ATP6V1C1: variants seen among roughly 807,000 people sequenced by gnomAD.
The protein encoded by ATP6V1C1 is ATPase H+ transporting V1 subunit C1.
In ATP6V1C1, 45 loss-of-function variants were observed where a neutral mutation model predicts 53.9. The ratio of observed to expected loss-of-function variants is 0.83; its 90% CI spans 0.66 to 1.07. The LOEUF (loss-of-function observed/expected upper bound fraction) is 1.07, where lower values mean the gene tolerates loss of function less well. Among genes scored for constraint, ATP6V1C1 ranks in the 50% least tolerant of loss-of-function variants. The pLI, the probability that ATP6V1C1 is intolerant of heterozygous loss-of-function variation, is 0.00. For synonymous variants in ATP6V1C1, 153 were observed against 155.2 expected (o/e 0.99, Z 0.11); for missense variants, 315 against 440.3 (o/e 0.72, Z 2.55).
At position 103,042,415 on chromosome 8, in the gene ATP6V1C1, A is replaced by G. The variant is rs994856084; in HGVS notation, c.200+8A>G. 8 of 1,613,434 alleles carry G rather than the reference A, an allele frequency of 5.0e-6. No individual in the cohort carries two copies. The African/African-American group carries it at 6.7e-5, about 13-fold the overall frequency. On this transcript the variant is annotated splice_region_variant and intron_variant, in intron 3 of 12. Transcript: ENST00000518738. ...GGATGCATTTGTAGAAGGGTAATGT[A>G]CTTATATGCATGGAGTAGAGCAAAA... is the stretch of plus-strand genomic sequence containing the variant.
intron 3 of ATP6V1C1, among the ~76,000 whole-genome samples, chr8:103,048,032 C>T (rs1512350): frequency 0.038 from 5,747 of 152,262 alleles, 119 homozygotes; most frequent in East Asian, 0.046. Context: ...GATTTTGAAT[C>T]CCACCCAGGG....
At chr8:103,029,040 T>C (rs1162875910) in intron 1 of ATP6V1C1, among the ~76,000 whole-genome samples, 5 of 152,144 alleles carry the variant, frequency 3.3e-5, no homozygotes, top group East Asian at 1.9e-4. Context: ...GAAAAAAATA[T>C]ACAGAAAGGA....
intron 1 of ATP6V1C1, among the ~76,000 whole-genome samples, chr8:103,034,205 A>G (rs1359268200): frequency 1.3e-5 from 2 of 152,288 alleles, no homozygotes; most frequent in East Asian, 1.9e-4. Flanking sequence ...GAAGAAGGAC[A>G]TAGACCTGGA....
chr8:103,062,161 GTTTTTTTTTTTT>G lies in ATP6V1C1; in HGVS notation c.642-776_642-765del, dbSNP rs767825523. 1.8e-4 allele frequency among the ~76,000 whole-genome samples: 13 copies of G among 70,786 alleles called. No homozygotes were observed. In the South Asian group the frequency reaches 3.5e-3, roughly 19 times the overall value. The allele number at this position is 70,786 out of a possible 152,430, so 46.4% of individuals were successfully genotyped here. On this transcript the variant is annotated intron_variant, in intron 8 of 12. Transcript: ENST00000518738. ...TATTTAGACAGTTGTGTTCATCAGGGTTTTTTTTTTTTTTTTTTTTTTTTTTTTTGACAGGGA... is the reference window on the plus strand; with the variant it reads ...TATTTAGACAGTTGTGTTCATCAGGGTTTTTTTTTTTTTTTTTGACAGGGA...
intron 1 of ATP6V1C1, among the ~76,000 whole-genome samples, chr8:103,025,132 A>G (rs1816673542): frequency 6.6e-6 from 1 of 152,160 alleles, no homozygotes; most frequent in East Asian, 1.9e-4. Flanking sequence ...GGATCGATGG[A>G]TCTTCTAAGA....
chr8:103,060,630 A>G (rs1180229004), intron 8 of ATP6V1C1, among the ~76,000 whole-genome samples: 2 of 152,244 alleles, frequency 1.3e-5, no homozygotes, highest in East Asian at 1.9e-4. Flanking sequence ...AATGACTACA[A>G]GTCTGTTATA....
intron 8 of ATP6V1C1, among the ~76,000 whole-genome samples, chr8:103,058,852 A>G (rs1233730087): frequency 6.6e-6 from 1 of 152,244 alleles, no homozygotes; most frequent in African/African-American, 2.4e-5. Context: ...AAATGCAGCA[A>G]TGTGTATAAA....
chr8:103,041,255 CTT>C (rs1273220828), intron 2 of ATP6V1C1, among the ~76,000 whole-genome samples: 1 of 152,168 alleles, frequency 6.6e-6, no homozygotes, highest in Non-Finnish European at 1.5e-5. Flanking sequence ...AATTAAAACT[CTT>C]AGTAATATAT....
At chr8:103,021,708 A>G (rs1318373835) in intron 1 of ATP6V1C1, among the ~76,000 whole-genome samples, 1 of 152,026 alleles carries the variant, frequency 6.6e-6, no homozygotes, top group African/African-American at 2.4e-5. Context: ...CAGGCAAGGA[A>G]CCCTCACAGA....
intron 1 of ATP6V1C1, among the ~76,000 whole-genome samples, chr8:103,035,819 C>T (rs184910622): frequency 3.6e-4 from 55 of 152,258 alleles, no homozygotes; most frequent in African/African-American, 1.3e-3. Flanking sequence ...GCAGGTCCAT[C>T]GAATCTCTAG....
At chr8:103,050,105 T>C (rs1249320393) in intron 4 of ATP6V1C1, among the ~76,000 whole-genome samples, 1 of 152,256 alleles carries the variant, frequency 6.6e-6, no homozygotes, top group Non-Finnish European at 1.5e-5. Context: ...TCAATAAATT[T>C]TTAATCAGTT....
intron 1 of ATP6V1C1, among the ~76,000 whole-genome samples, chr8:103,037,164 A>G (rs1023679869): frequency 6.6e-6 from 1 of 152,170 alleles, no homozygotes; most frequent in Non-Finnish European, 1.5e-5. Context: ...CAGGATGACA[A>G]GAAGACAGGA....
At chr8:103,056,021 C>T in intron 8 of ATP6V1C1, 85 bp downstream of exon 8, 1 of 1,343,816 alleles carries the variant, frequency 7.4e-7, no homozygotes, top group African/African-American at 1.5e-5. Flanking sequence ...TGTTTGCTGT[C>T]TTGCCTTTGT....
At chr8:103,029,711 A>G (rs2131381955) in intron 1 of ATP6V1C1, among the ~76,000 whole-genome samples, 1 of 152,060 alleles carries the variant, frequency 6.6e-6, no homozygotes, top group East Asian at 1.9e-4. Context: ...TTACAGCTGT[A>G]TTCATGCTTT....
chr8:103,025,603 A>G (rs1390619009), intron 1 of ATP6V1C1, among the ~76,000 whole-genome samples: 1 of 152,252 alleles, frequency 6.6e-6, no homozygotes, highest in African/African-American at 2.4e-5. Context: ...TGTCTTTTGT[A>G]AAACTGCATG....
intron 1 of ATP6V1C1, among the ~76,000 whole-genome samples, chr8:103,021,811 A>G (rs906221740): frequency 2.0e-5 from 3 of 152,220 alleles, no homozygotes; most frequent in Non-Finnish European, 4.4e-5. Context: ...CAAACAAAAC[A>G]GAACAAAACA....
intron 3 of ATP6V1C1, among the ~76,000 whole-genome samples, chr8:103,044,383 A>G (rs1315828816): frequency 6.6e-6 from 1 of 152,108 alleles, no homozygotes; most frequent in Non-Finnish European, 1.5e-5. Context: ...GAGGTCTTTG[A>G]TTCATTTTGA....
Position 103,045,650 on chromosome 8 carries a change from GA to G in ATP6V1C1, c.201-3213del, listed in dbSNP as rs560747077. 1.7e-3 allele frequency among the ~76,000 whole-genome samples: 264 copies of G among 152,076 alleles called. 2 individuals are homozygous for G. The highest frequency in any genetic ancestry group is 0.012 in the South Asian group (60 of 4,820). On this transcript the variant is annotated intron_variant, in intron 3 of 12. Transcript: ENST00000518738. ...TCCTTGCTTATACATTTTTAATTAA[GA>G]AAAAAATGGGCCGGGCATGGTGGCT...
At chr8:103,043,873 C>A (rs1364756937) in intron 3 of ATP6V1C1, among the ~76,000 whole-genome samples, 2 of 151,958 alleles carry the variant, frequency 1.3e-5, no homozygotes, top group Non-Finnish European at 2.9e-5. Flanking sequence ...TTCTCCTGTT[C>A]TGTGAGTTGT....
Sources: allele counts gnomAD v4.1 joint callset (sites outside exome capture counted in the v4.1 genomes callset), GRCh38; gene constraint gnomAD v4.1.1; transcripts MANE v1.5; gene names NCBI Gene and HGNC (gene_info 2026-07-23, HGNC 2026-07-21).